The following MPP7 variants were observed in gnomAD, a reference collection of about 807,000 sequenced individuals.
MPP7 encodes MAGUK p55 scaffold protein 7.
A neutral mutation model predicts 76.5 loss-of-function variants in MPP7; 60 were observed. That is an observed-to-expected ratio of 0.78 (90% CI 0.64 to 0.97). The LOEUF (loss-of-function observed/expected upper bound fraction) is 0.97. Among genes scored for constraint, MPP7 ranks in the 50% least tolerant of loss-of-function variants. MPP7 has a pLI of 0.00. For missense variants in MPP7, 641 were observed against 694.0 expected, an observed-to-expected ratio of 0.92 and a Z score of 0.86; for synonymous variants, 237 against 244.5, an observed-to-expected ratio of 0.97 and a Z score of 0.29.
chr10:28,318,796 G>A (rs1834342380), intron 2 of MPP7, among the ~76,000 whole-genome samples: 1 of 152,204 alleles, frequency 6.6e-6, no homozygotes, highest in Non-Finnish European at 1.5e-5. Context: ...TACTTGCCTT[G>A]CTTAAGTGAA....
intron 2 of MPP7, among the ~76,000 whole-genome samples, chr10:28,219,960 C>T (rs1444434689): frequency 6.6e-6 from 1 of 152,068 alleles, no homozygotes; most frequent in African/African-American, 2.4e-5. Flanking sequence ...ACTAACACAA[C>T]CCTGAGAGAG....
intron 5 of MPP7, among the ~76,000 whole-genome samples, chr10:28,132,915 G>A (rs561282093): frequency 2.1e-5 from 1 of 46,594 alleles, no homozygotes; most frequent in South Asian, 5.4e-4. Context: ...TATTAAATCT[G>A]CTTCCAAAAT....
chr10:28,128,828 T>C (rs181817647), intron 6 of MPP7, among the ~76,000 whole-genome samples: 1 of 152,226 alleles, frequency 6.6e-6, no homozygotes, highest in East Asian at 1.9e-4. Context: ...GGAAGAGAAA[T>C]AACCCTGGGA....
intron 3 of MPP7, among the ~76,000 whole-genome samples, chr10:28,165,292 A>G (rs958012071): frequency 6.6e-6 from 1 of 152,166 alleles, no homozygotes; most frequent in Admixed American, 6.5e-5. Flanking sequence ...TGGGAAGTCA[A>G]GGCAAGAGGA....
intron 3 of MPP7, among the ~76,000 whole-genome samples, chr10:28,166,796 C>T (rs989151079): frequency 2.0e-5 from 3 of 152,070 alleles, no homozygotes; most frequent in Admixed American, 6.6e-5. Context: ...TGTTTTTGAG[C>T]TTCATAAAAA....
At chr10:28,112,870 A>G (rs1588788835) in intron 11 of MPP7, among the ~76,000 whole-genome samples, 3 of 152,166 alleles carry the variant, frequency 2.0e-5, no homozygotes, top group Non-Finnish European at 4.4e-5. Context: ...GTGAATTCTC[A>G]TAATTTTATG....
At chr10:28,130,914 T>C (rs1478164465) in intron 6 of MPP7, among the ~76,000 whole-genome samples, 1 of 152,198 alleles carries the variant, frequency 6.6e-6, no homozygotes, top group Non-Finnish European at 1.5e-5. Context: ...ATTCCAATAT[T>C]TAAAATGACA....
chr10:28,077,519 A>G (rs541654159), intron 12 of MPP7, among the ~76,000 whole-genome samples: 1 of 152,142 alleles, frequency 6.6e-6, no homozygotes, highest in Non-Finnish European at 1.5e-5. Flanking sequence ...AAAAGACCAC[A>G]GCTCAGATGC....
chr10:28,157,910 T>C (rs1170421290), intron 3 of MPP7, among the ~76,000 whole-genome samples: 4 of 152,226 alleles, frequency 2.6e-5, no homozygotes, highest in Non-Finnish European at 5.9e-5. Flanking sequence ...TATCAGACTT[T>C]GTATTTATAG....
intron 11 of MPP7, chr10:28,119,210 G>A (rs1037829075): frequency 3.2e-6 from 1 of 312,690 alleles, no homozygotes; most frequent in African/African-American, 2.3e-5. Flanking sequence ...TTATGATCTG[G>A]GGATAAGAAA....
Position 28,053,971 on chromosome 10 carries a change from A to G in MPP7, c.*94T>C. 1.1e-6 allele frequency: 1 copy of G among 899,800 alleles called. No homozygotes were observed. The highest frequency in any genetic ancestry group is 1.8e-6 in the Non-Finnish European group (1 of 559,294). The allele number at this position is 899,800 out of a possible 1,614,324, so 55.7% of individuals were successfully genotyped here. A position where few individuals can be genotyped will look rare whatever the true frequency, so the allele number is the denominator to read the frequency against. ...CTTGAACCAAGATTGTACATCTATG[A>G]CAGTGATATAGATTTAAAAACCCTA... On this transcript the variant is annotated 3_prime_UTR_variant, in exon 17 of 17. Coordinates refer to ENST00000683449, the MANE Select transcript of MPP7 (RefSeq NM_001318170.2).
intron 3 of MPP7, among the ~76,000 whole-genome samples, chr10:28,166,556 C>T (rs1038459294): frequency 4.0e-5 from 6 of 151,692 alleles, no homozygotes; most frequent in Non-Finnish European, 8.8e-5. Flanking sequence ...TACAGGCATG[C>T]ACCATCACAC....
intron 8 of MPP7, among the ~76,000 whole-genome samples, chr10:28,123,462 CTTTTTT>C (rs200098933): frequency 6.5e-5 from 6 of 92,504 alleles, no homozygotes; most frequent in African/African-American, 1.3e-4. Flanking sequence ...GTACTAAATT[CTTTTTT>C]TTTTTTTTTT....
intron 2 of MPP7, among the ~76,000 whole-genome samples, chr10:28,235,530 A>G (rs1197853390): frequency 6.6e-6 from 1 of 152,200 alleles, no homozygotes; most frequent in East Asian, 1.9e-4. Flanking sequence ...CATGGAAAGG[A>G]CAGACTATTG....
chr10:28,107,856 A>C (rs1218123268), intron 11 of MPP7, among the ~76,000 whole-genome samples: 1 of 152,194 alleles, frequency 6.6e-6, no homozygotes, highest in African/African-American at 2.4e-5. Flanking sequence ...GTTTAAAGCC[A>C]TTACAGTTTC....
At chr10:28,328,404 C>T (rs1384888206) in intron 2 of MPP7, among the ~76,000 whole-genome samples, 3 of 151,690 alleles carry the variant, frequency 2.0e-5, no homozygotes, top group Non-Finnish European at 2.9e-5. Flanking sequence ...TAAAATAAGC[C>T]CTAGTAGAGT....
chr10:28,235,213 C>T (rs1839033241), intron 2 of MPP7, among the ~76,000 whole-genome samples: 1 of 151,884 alleles, frequency 6.6e-6, no homozygotes. Flanking sequence ...AAAAAAATGA[C>T]ATTAACGGAA....
chr10:28,258,041 C>A (rs930982901), intron 1 of MPP7, among the ~76,000 whole-genome samples: 4 of 152,018 alleles, frequency 2.6e-5, no homozygotes, highest in Admixed American at 6.6e-5. Context: ...TACACATCTG[C>A]AGAACTTGAC....
At chr10:28,230,858 C>A (rs1838858658) in intron 2 of MPP7, among the ~76,000 whole-genome samples, 1 of 151,988 alleles carries the variant, frequency 6.6e-6, no homozygotes, top group Non-Finnish European at 1.5e-5. Context: ...GATAGAACTA[C>A]AAGATAAATC....
Sources: gnomAD v4.1 joint callset for allele counts (sites outside exome capture counted in the v4.1 genomes callset) on GRCh38, gnomAD v4.1.1 for gene constraint, MANE v1.5 for transcripts, NCBI Gene and HGNC (gene_info 2026-07-23, HGNC 2026-07-21) for gene names.